Variants in TMTC2 observed in about 807,000 individuals in gnomAD.
TMTC2 encodes the protein protein O-mannosyl-transferase TMTC2.
A neutral mutation model predicts 82.4 loss-of-function variants in TMTC2; 43 were observed. That is an observed-to-expected ratio of 0.52 (90% CI 0.41 to 0.67). The LOEUF is 0.67. Among genes scored for constraint, TMTC2 ranks in the 30% least tolerant of loss-of-function variants. The probability of loss-of-function intolerance (pLI) is 0.00; values close to 1 mark genes in which losing one functional copy is unlikely to be tolerated. For synonymous variants in TMTC2, 408 were observed against 381.9 expected, an observed-to-expected ratio of 1.07 and a Z score of -0.80; for missense variants, 919 against 1,012.4, an observed-to-expected ratio of 0.91 and a Z score of 1.25.
At chr12:83,062,361 A>T (rs139243919) in intron 11 of TMTC2, among the ~76,000 whole-genome samples, 43 of 151,948 alleles carry the variant, frequency 2.8e-4, no homozygotes, top group African/African-American at 8.9e-4. Flanking sequence ...GATATAAATT[A>T]GATCTTTTCT....
At chr12:82,870,935 T>G (rs971890134) in intron 2 of TMTC2, among the ~76,000 whole-genome samples, 5 of 152,190 alleles carry the variant, frequency 3.3e-5, no homozygotes, top group African/African-American at 1.2e-4. Flanking sequence ...ACAGGATAAT[T>G]TGTAGTCTTT....
intron 1 of TMTC2, among the ~76,000 whole-genome samples, chr12:82,852,568 C>A (rs1361344200): frequency 6.6e-6 from 1 of 152,160 alleles, no homozygotes; most frequent in African/African-American, 2.4e-5. Flanking sequence ...GAATTTTCAA[C>A]ACCATTTCAC....
intron 7 of TMTC2, among the ~76,000 whole-genome samples, chr12:82,970,159 T>C (rs181114055): frequency 3.0e-4 from 46 of 152,348 alleles, no homozygotes; most frequent in African/African-American, 6.5e-4. Context: ...CTGAGCATCC[T>C]TGGGCAAATT....
chr12:82,717,556 G>A (rs944786106), intron 1 of TMTC2, among the ~76,000 whole-genome samples: 4 of 152,020 alleles, frequency 2.6e-5, no homozygotes, highest in South Asian at 2.1e-4. Flanking sequence ...TTTATTTTTT[G>A]TACTGTAAGC....
At chr12:82,969,315 G>C (rs1457124781) in intron 7 of TMTC2, among the ~76,000 whole-genome samples, 1 of 152,082 alleles carries the variant, frequency 6.6e-6, no homozygotes, top group Non-Finnish European at 1.5e-5. Flanking sequence ...GATTTAGCCT[G>C]TAAGTGTTCA....
chr12:82,769,527 T>C (rs554472490), intron 1 of TMTC2, among the ~76,000 whole-genome samples: 1 of 152,188 alleles, frequency 6.6e-6, no homozygotes, highest in Non-Finnish European at 1.5e-5. Flanking sequence ...TGAACAATTA[T>C]GACAACAACC....
chr12:83,045,727 G>GGGCTCA (rs1437284307), intron 9 of TMTC2, among the ~76,000 whole-genome samples: 2 of 142,452 alleles, frequency 1.4e-5, no homozygotes, highest in African/African-American at 2.7e-5. Flanking sequence ...ACACACACAC[G>GGGCTCA]CACACACACA....
intron 10 of TMTC2, among the ~76,000 whole-genome samples, chr12:83,053,186 A>G (rs1421885570): frequency 6.6e-6 from 1 of 152,042 alleles, no homozygotes; most frequent in Non-Finnish European, 1.5e-5. Flanking sequence ...TGCTTATTTA[A>G]TGTTACATGT....
At chr12:83,008,770 A>T (rs1880320441) in intron 8 of TMTC2, among the ~76,000 whole-genome samples, 1 of 152,172 alleles carries the variant, frequency 6.6e-6, no homozygotes, top group Non-Finnish European at 1.5e-5. Context: ...GAGAACTGGT[A>T]TTAATCTGGC....
chr12:82,998,316 T>C (rs190351271), intron 8 of TMTC2, among the ~76,000 whole-genome samples: 31 of 152,288 alleles, frequency 2.0e-4, no homozygotes, highest in Middle Eastern at 6.8e-3. Context: ...AAAGATTTCT[T>C]ATTAACATCG....
chr12:82,800,269 A>G (rs775209832), intron 1 of TMTC2, among the ~76,000 whole-genome samples: 1 of 152,128 alleles, frequency 6.6e-6, no homozygotes, highest in East Asian at 1.9e-4. Flanking sequence ...CAAGAAGGCA[A>G]ACAAAAAGGT....
intron 4 of TMTC2, among the ~76,000 whole-genome samples, chr12:82,952,641 G>A (rs1228349866): frequency 6.6e-6 from 1 of 152,100 alleles, no homozygotes; most frequent in Non-Finnish European, 1.5e-5. Context: ...TGACTCCTGG[G>A]TTCAAATGAT....
chr12:82,901,301 T>TATA, intron 3 of TMTC2, among the ~76,000 whole-genome samples: 1 of 84,152 alleles, frequency 1.2e-5, no homozygotes, highest in African/African-American at 9.0e-5. Context: ...TATATATATA[T>TATA]TTTTTTTTCT....
intron 11 of TMTC2, among the ~76,000 whole-genome samples, chr12:83,130,912 A>G (rs1885239214): frequency 6.6e-6 from 1 of 152,210 alleles, no homozygotes; most frequent in South Asian, 2.1e-4. Context: ...ACTCAAACCC[A>G]GATCTCTTAA....
intron 1 of TMTC2, among the ~76,000 whole-genome samples, chr12:82,855,154 A>G (rs1286425980): frequency 6.6e-6 from 1 of 152,216 alleles, no homozygotes; most frequent in Non-Finnish European, 1.5e-5. Context: ...TTGGGAAGCA[A>G]TCTAGAGAAG....
chr12:82,729,964 G>GTC (rs1874691136), intron 1 of TMTC2, among the ~76,000 whole-genome samples: 1 of 152,092 alleles, frequency 6.6e-6, no homozygotes, highest in East Asian at 1.9e-4. Flanking sequence ...AACACTTATC[G>GTC]GGAAGGTCTG....
intron 1 of TMTC2, among the ~76,000 whole-genome samples, chr12:82,799,301 T>A (rs1295126726): frequency 1.3e-5 from 2 of 152,120 alleles, no homozygotes; most frequent in African/African-American, 4.8e-5. Context: ...CCAGCCTCCA[T>A]GTTGCAGGAA....
intron 3 of TMTC2, among the ~76,000 whole-genome samples, chr12:82,914,821 T>A (rs1187730277): frequency 1.7e-5 from 2 of 119,942 alleles, no homozygotes; most frequent in Non-Finnish European, 1.6e-5. Context: ...TCACTTATTT[T>A]TTTTTTTTTT....
chr12:82,805,497 CTTTTTTTTTTTTTTTT>C (rs753878105), intron 1 of TMTC2, among the ~76,000 whole-genome samples: 2 of 90,580 alleles, frequency 2.2e-5, no homozygotes, highest in South Asian at 3.8e-4. Context: ...CCTCTCCCCA[CTTTTTTTTTTTTTTTT>C]TTTTTTTTTT....
Sources: gnomAD v4.1 joint callset for allele counts (sites outside exome capture counted in the v4.1 genomes callset) on GRCh38, gnomAD v4.1.1 for gene constraint, MANE v1.5 for transcripts, NCBI Gene and HGNC (gene_info 2026-07-23, HGNC 2026-07-21) for gene names.